The following ARHGAP39 variants were observed in gnomAD, a reference collection of about 807,000 sequenced individuals.
ARHGAP39 encodes Rho GTPase activating protein 39.
Under a neutral mutation model 106.9 loss-of-function variants are expected in ARHGAP39, and 44 were observed. That is an observed-to-expected ratio of 0.41 (90% CI 0.32 to 0.53). The LOEUF (loss-of-function observed/expected upper bound fraction) is 0.53, where lower values mean the gene tolerates loss of function less well. Among genes scored for constraint, ARHGAP39 ranks in the 20% least tolerant of loss-of-function variants. ARHGAP39 has a pLI of 0.21. For missense variants in ARHGAP39, 1,496 were observed against 1,577.3 expected (o/e 0.95, Z 0.87); for synonymous variants, 768 against 693.2 (o/e 1.11, Z -1.69).
Position 144,547,852 on chromosome 8 carries a change from C to T in ARHGAP39, c.1234G>A (p.Ala412Thr), listed in dbSNP as rs61735921. 9.5e-6 allele frequency: 15 copies of T among 1,586,676 alleles called. No homozygotes were observed. The highest frequency in any genetic ancestry group is 6.7e-5 in the African/African-American group (5 of 74,524). The change falls in exon 5 of 12, where the codon GCC becomes ACC. Residue 412 changes from alanine (A) to threonine (T), a missense_variant. Ala to Thr is a moderately conservative substitution (Grantham distance 58). This residue lies in a region of ARHGAP39 where 905 missense variants were observed against 816.4 expected (regional missense o/e 1.11). Transcript: ENST00000377307. The surrounding 1 kb of genome is among the most constrained non-coding windows in gnomAD (Gnocchi z 5.2). ...EQAGSSPKLR[A>T]GPRHKYAPNP... ...GGCGCGTACTTGTGCCGCGGGCCGG[C>T]GCGCAGCTTGGGGCTGGAGCCCGCC...
intron 2 of ARHGAP39, 118 bp from the exon 3 acceptor site, chr8:144,581,395 A>G: frequency 1.7e-6 from 2 of 1,178,142 alleles, no homozygotes; most frequent in Non-Finnish European, 2.4e-6. Flanking sequence ...GTCATAGAGG[A>G]AAGCAAACCC....
rs1215197702 is a variant in ARHGAP39 at position 144,677,188 on chromosome 8, G to A, written c.-82+8498C>T. Among the ~76,000 whole-genome samples the A allele has an allele frequency of 3.3e-5, 5 of 152,342 alleles. No individual in the cohort carries two copies. The East Asian group carries it at 9.6e-4, about 29-fold the overall frequency. On this transcript the variant is annotated intron_variant, in intron 1 of 11. Transcript: ENST00000377307. Reference sequence around the variant, plus strand: ...TGTGTTTATCCGTTCATCCGCTGATGGACATTTAGGTTGTCTCCACTTTCT... The same window carrying A: ...TGTGTTTATCCGTTCATCCGCTGATAGACATTTAGGTTGTCTCCACTTTCT...
intron 1 of ARHGAP39, among the ~76,000 whole-genome samples, chr8:144,611,323 T>C (rs999217008): frequency 3.3e-5 from 5 of 152,230 alleles, no homozygotes. Flanking sequence ...ATGTCCCGTG[T>C]GCACTGGAAA....
chr8:144,676,932 GCTAATTTTT>G (rs1160835422), intron 1 of ARHGAP39, among the ~76,000 whole-genome samples: 1 of 152,250 alleles, frequency 6.6e-6, no homozygotes, highest in East Asian at 1.9e-4. Flanking sequence ...TCCACGCCCA[GCTAATTTTT>G]GTACTTTTAG....
intron 1 of ARHGAP39, among the ~76,000 whole-genome samples, chr8:144,632,118 T>C (rs920212510): frequency 1.3e-5 from 2 of 152,352 alleles, no homozygotes; most frequent in African/African-American, 2.4e-5. Flanking sequence ...GATTCTGCTT[T>C]CTTTTTTCCA....
chr8:144,685,916 A>G (rs536842272), upstream of ARHGAP39, among the ~76,000 whole-genome samples: 3,501 of 149,100 alleles, frequency 0.023, 74 homozygotes, highest in African/African-American at 0.056. Flanking sequence ...GGCGGTCACT[A>G]CCCGCCGCCA....
At position 144,647,978 on chromosome 8, in the gene ARHGAP39, GGA is replaced by G. The variant is rs1821486539; in HGVS notation, c.-82+37706_-82+37707del. ...CCTGGTACAATTTCTACAAAATGGT[GGA>G]GAGTCTAATTCTCCTTCCTCTAGCA... On this transcript the variant is annotated intron_variant, in intron 1 of 11. Transcript: ENST00000377307. The surrounding 1 kb of genome is among the most constrained non-coding windows in gnomAD (Gnocchi z 4.8). 6.6e-6 allele frequency among the ~76,000 whole-genome samples: 1 copy of G among 152,168 alleles called. No homozygotes were observed. Among genetic ancestry groups the G allele is most frequent in the Non-Finnish European group, 1.5e-5 (1 of 68,024 alleles).
chr8:144,567,758 CCT>C (rs765112194), intron 3 of ARHGAP39, among the ~76,000 whole-genome samples: 1 of 152,136 alleles, frequency 6.6e-6, no homozygotes, highest in Non-Finnish European at 1.5e-5. Context: ...CTCTCTCTCT[CCT>C]CTCTCTCTGC....
At chr8:144,542,351 T>A (rs548086233) in intron 6 of ARHGAP39, among the ~76,000 whole-genome samples, 2 of 152,154 alleles carry the variant, frequency 1.3e-5, no homozygotes, top group African/African-American at 4.8e-5. Flanking sequence ...CCGAGGGTGG[T>A]GACCACACAG....
chr8:144,534,432 G>A (rs573671193), intron 7 of ARHGAP39, among the ~76,000 whole-genome samples: 19 of 152,190 alleles, frequency 1.2e-4, no homozygotes, highest in Non-Finnish European at 2.1e-4. Context: ...GGGAGGAACC[G>A]CCTGGCAGCT....
Position 144,529,180 on chromosome 8 carries a change from A to C in ARHGAP39, c.*1242T>G. 1 of 395,508 alleles carries C rather than the reference A, an allele frequency of 2.5e-6. No homozygotes were observed. The highest frequency in any genetic ancestry group is 4.5e-6 in the Non-Finnish European group (1 of 221,542). 24.5% of individuals were successfully genotyped at this position (395,508 alleles called of 1,614,324 possible). A position where few individuals can be genotyped will look rare whatever the true frequency, so the allele number is the denominator to read the frequency against. On this transcript the variant is annotated 3_prime_UTR_variant, in exon 12 of 12. Coordinates refer to ENST00000377307, the MANE Select transcript of ARHGAP39 (RefSeq NM_025251.3). ...GCCCACAAGGAACGGGAGGACGCGC[A>C]GGGTCCATGTGCACTTTATTCACTC...
chr8:144,535,401 G>A (rs912965150), intron 7 of ARHGAP39, among the ~76,000 whole-genome samples: 2 of 152,188 alleles, frequency 1.3e-5, no homozygotes, highest in African/African-American at 4.8e-5. Context: ...CAGAGGATGT[G>A]GCCCCAGCCT....
At chr8:144,610,494 G>T (rs1024386003) in intron 1 of ARHGAP39, among the ~76,000 whole-genome samples, 1 of 152,096 alleles carries the variant, frequency 6.6e-6, no homozygotes, top group East Asian at 1.9e-4. Context: ...GGTGGATCAC[G>T]AGATCAGGAA....
Position 144,685,426 on chromosome 8 carries a change from C to A in ARHGAP39, c.-82+260G>T, listed in dbSNP as rs190018268. Reference sequence around the variant, plus strand: ...ACACTCCCAGCCCGGCCCGTCGGCGCGCACCCGGGCCCCGCGCGGCCTCGG... The same window carrying A: ...ACACTCCCAGCCCGGCCCGTCGGCGAGCACCCGGGCCCCGCGCGGCCTCGG... On this transcript the variant is annotated intron_variant, in intron 1 of 11. Transcript: ENST00000377307. Among the ~76,000 whole-genome samples the A allele has an allele frequency of 2.3e-4, 35 of 150,516 alleles. 1 individual carries two copies. The East Asian group carries it at 5.7e-3, about 25-fold the overall frequency.
chr8:144,547,319 G>A lies in ARHGAP39; in HGVS notation c.1767C>T (p.Gly589=), dbSNP rs1283308174. The change falls in exon 5 of 12, where the codon GGC becomes GGT. Residue 589 remains glycine, a synonymous_variant. Transcript: ENST00000377307. This position sits in a 1 kb window ranked among gnomAD's most constrained non-coding sequence, Gnocchi z 5.2. ...GCCCGGGCATGGGCAGTGGCAGGGC[G>A]CCGTCGCTCTCGTAGCCAGAGCCGT... ...QQDGSGYESD[G]ALPLPMPGPV... is the part of the protein sequence containing the mutation. 9 of 1,609,690 alleles carry A rather than the reference G, an allele frequency of 5.6e-6. No individual in the cohort carries two copies. The Admixed American group carries it at 8.4e-5, about 15-fold the overall frequency.
chr8:144,588,704 C>A (rs117991914), intron 2 of ARHGAP39, among the ~76,000 whole-genome samples: 3,031 of 152,378 alleles, frequency 0.02, 74 homozygotes, highest in Admixed American at 0.064. Flanking sequence ...GTCAGACTCA[C>A]AGCCGGAGGC....
chr8:144,600,122 G>C (rs968400704), intron 2 of ARHGAP39, among the ~76,000 whole-genome samples: 4 of 149,116 alleles, frequency 2.7e-5, no homozygotes, highest in Non-Finnish European at 6.0e-5. Flanking sequence ...TGTGTGCGTA[G>C]AGACGAGTGT....
chr8:144,568,075 T>C (rs1412515752), intron 3 of ARHGAP39, among the ~76,000 whole-genome samples: 13 of 152,130 alleles, frequency 8.5e-5, no homozygotes, highest in Admixed American at 8.5e-4. Context: ...CTGATGCCTG[T>C]AATCCCAGCA....
chr8:144,689,624 T>C (rs1822704029), upstream of ARHGAP39, among the ~76,000 whole-genome samples: 1 of 150,196 alleles, frequency 6.7e-6, no homozygotes, highest in African/African-American at 2.5e-5. Flanking sequence ...TTTAGTAACA[T>C]GGGGTTTCAC....
Sources: allele counts gnomAD v4.1 joint callset (sites outside exome capture counted in the v4.1 genomes callset), GRCh38; gene constraint gnomAD v4.1.1; regional missense constraint gnomAD v4.1.1; non-coding constraint Gnocchi (gnomAD v3.1); transcripts MANE v1.5; gene names NCBI Gene and HGNC (gene_info 2026-07-23, HGNC 2026-07-21).